VRK2: variants seen among roughly 807,000 people sequenced by gnomAD.
The protein encoded by VRK2 is serine/threonine-protein kinase VRK2.
Under a neutral mutation model 57.6 loss-of-function variants are expected in VRK2, and 60 were observed. That is an observed-to-expected ratio of 1.04 (90% CI 0.85 to 1.29). VRK2 has a LOEUF of 1.29. Ranked by LOEUF, VRK2 falls within the 50% of genes most tolerant of loss-of-function variation. VRK2 has a pLI of 0.00. For missense variants in VRK2, 705 were observed against 588.1 expected, an observed-to-expected ratio of 1.20 and a Z score of -2.06; for synonymous variants, 231 against 199.2, an observed-to-expected ratio of 1.16 and a Z score of -1.35.
chr2:58,051,761 T>C (rs184325216), intron 2 of VRK2, among the ~76,000 whole-genome samples: 29 of 152,246 alleles, frequency 1.9e-4, no homozygotes, highest in Admixed American at 1.0e-3. Flanking sequence ...CAGCTTACAG[T>C]TAAGGGGAAG....
intron 1 of VRK2, among the ~76,000 whole-genome samples, chr2:57,977,138 A>C (rs1301148745): frequency 6.6e-6 from 1 of 152,154 alleles, no homozygotes; most frequent in Non-Finnish European, 1.5e-5. Context: ...ATTTGAAGTC[A>C]GGTAGTGTGA....
chr2:57,967,415 GTTTT>G (rs531408961), intron 1 of VRK2, among the ~76,000 whole-genome samples: 1 of 148,270 alleles, frequency 6.7e-6, no homozygotes, highest in Non-Finnish European at 1.5e-5. Context: ...AGTTTGTGTG[GTTTT>G]TTTTTTAACA....
At chr2:58,010,354 T>G (rs986794377) in intron 1 of VRK2, among the ~76,000 whole-genome samples, 1 of 152,142 alleles carries the variant, frequency 6.6e-6, no homozygotes, top group African/African-American at 2.4e-5. Flanking sequence ...TAGATATACT[T>G]TTTACTAAAA....
intron 7 of VRK2, among the ~76,000 whole-genome samples, chr2:58,092,932 C>A (rs553309890): frequency 5.3e-5 from 8 of 152,172 alleles, no homozygotes; most frequent in Non-Finnish European, 8.8e-5. Flanking sequence ...TTTGTTCTTG[C>A]GATAGTTTCC....
At chr2:58,131,671 T>C (rs1573296021) in intron 8 of VRK2, 137 bp from the exon 9 acceptor site, 1 of 1,120,568 alleles carries the variant, frequency 8.9e-7, no homozygotes, top group East Asian at 2.6e-5. Flanking sequence ...GTTTAAGTTT[T>C]ATTCCAGCTG....
intron 1 of VRK2, among the ~76,000 whole-genome samples, chr2:57,976,563 G>A (rs1462376602): frequency 2.0e-5 from 3 of 151,930 alleles, no homozygotes; most frequent in African/African-American, 7.2e-5. Flanking sequence ...AGGGTTGTTT[G>A]TTTTTTGCTT....
chr2:57,965,983 A>G (rs1056457325), intron 1 of VRK2, among the ~76,000 whole-genome samples: 3 of 152,226 alleles, frequency 2.0e-5, no homozygotes, highest in Non-Finnish European at 1.5e-5. Context: ...TTTTCAAGTT[A>G]TCTCAAGTTA....
chr2:57,969,401 T>C (rs1023118818), intron 1 of VRK2, among the ~76,000 whole-genome samples: 14 of 151,968 alleles, frequency 9.2e-5, no homozygotes, highest in African/African-American at 3.4e-4. Context: ...TAACTGCAGA[T>C]CAAGGAGAAA....
intron 3 of VRK2, among the ~76,000 whole-genome samples, chr2:58,034,204 T>A (rs1410051168): frequency 3.3e-5 from 5 of 152,004 alleles, no homozygotes; most frequent in African/African-American, 1.2e-4. Flanking sequence ...ATACTTAAAC[T>A]CACAAATTTC....
chr2:58,048,046 A>G (rs1271211958), intron 1 of VRK2, among the ~76,000 whole-genome samples: 1 of 152,176 alleles, frequency 6.6e-6, no homozygotes, highest in Non-Finnish European at 1.5e-5. Flanking sequence ...TCCCCTAAGA[A>G]ATTTTCTCTT....
intron 1 of VRK2, among the ~76,000 whole-genome samples, chr2:57,984,947 A>AT (rs1489262552): frequency 6.6e-6 from 1 of 151,670 alleles, no homozygotes; most frequent in Non-Finnish European, 1.5e-5. Flanking sequence ...AAAACATAAA[A>AT]ATATATAGAG....
chr2:57,925,048 C>T (rs1264439470), intron 1 of VRK2, among the ~76,000 whole-genome samples: 1 of 151,998 alleles, frequency 6.6e-6, no homozygotes, highest in African/African-American at 2.4e-5. Context: ...CTTTGCATCC[C>T]TGGGATCAAT....
At chr2:58,048,725 C>A in intron 1 of VRK2, 102 bp from the exon 2 acceptor site, 1 of 1,505,492 alleles carries the variant, frequency 6.6e-7, no homozygotes, top group Non-Finnish European at 8.9e-7. Context: ...TTCTGGGAAC[C>A]TGGGAAAGTT....
At chr2:57,983,929 G>C (rs952909064) in intron 1 of VRK2, among the ~76,000 whole-genome samples, 1 of 152,096 alleles carries the variant, frequency 6.6e-6, no homozygotes, top group African/African-American at 2.4e-5. Context: ...TGATATAACA[G>C]CTTTGAGGGA....
intron 1 of VRK2, among the ~76,000 whole-genome samples, chr2:58,001,318 T>C (rs1465470813): frequency 2.0e-5 from 3 of 152,308 alleles, no homozygotes; most frequent in Middle Eastern, 3.4e-3. Context: ...CCACATGTCA[T>C]TGCATACAAT....
intron 1 of VRK2, among the ~76,000 whole-genome samples, chr2:57,980,192 A>C (rs1672378888): frequency 6.6e-6 from 1 of 152,142 alleles, no homozygotes; most frequent in Middle Eastern, 3.2e-3. Flanking sequence ...CTTTTATCTT[A>C]ACACTGCTTT....
At chr2:58,064,328 T>A (rs1668318441) in intron 2 of VRK2, among the ~76,000 whole-genome samples, 1 of 152,062 alleles carries the variant, frequency 6.6e-6, no homozygotes, top group South Asian at 2.1e-4. Flanking sequence ...GCAAACTTCA[T>A]TGCTATCTTT....
intron 1 of VRK2, among the ~76,000 whole-genome samples, chr2:57,935,411 A>G (rs1034199924): frequency 1.3e-5 from 2 of 152,114 alleles, no homozygotes; most frequent in African/African-American, 4.8e-5. Context: ...TGTTTTCTCT[A>G]GGGCAGTGCT....
intron 7 of VRK2, among the ~76,000 whole-genome samples, chr2:58,116,576 C>A (rs558145633): frequency 1.3e-5 from 2 of 151,970 alleles, no homozygotes; most frequent in East Asian, 3.9e-4. Context: ...GGGTAGCCTT[C>A]GTATTGATTA....
Sources: allele counts gnomAD v4.1 joint callset (sites outside exome capture counted in the v4.1 genomes callset), GRCh38; gene constraint gnomAD v4.1.1; transcripts MANE v1.5; gene names NCBI Gene and HGNC (gene_info 2026-07-23, HGNC 2026-07-21).